The following PNPT1 variants were observed in gnomAD, a reference collection of about 807,000 sequenced individuals.
The protein encoded by PNPT1 is polyribonucleotide nucleotidyltransferase 1, mitochondrial.
A neutral mutation model predicts 119.5 loss-of-function variants in PNPT1; 53 were observed. That is an observed-to-expected ratio of 0.44 (90% CI 0.36 to 0.56). The LOEUF (loss-of-function observed/expected upper bound fraction) is 0.56, where lower values mean the gene tolerates loss of function less well. Ranked by LOEUF, PNPT1 falls within the 20% of genes least tolerant of loss-of-function variation. PNPT1 has a pLI of 0.00. For synonymous variants in PNPT1, 357 were observed against 322.1 expected (o/e 1.11, Z -1.16); for missense variants, 948 against 938.5 (o/e 1.01, Z -0.13).
At chr2:55,675,644 T>C (rs1405941247) in intron 8 of PNPT1, among the ~76,000 whole-genome samples, 1 of 151,972 alleles carries the variant, frequency 6.6e-6, no homozygotes, top group Non-Finnish European at 1.5e-5. Context: ...GCTGTAGTGA[T>C]GTATAATCAC....
chr2:55,642,009 C>T (rs1420214140), intron 25 of PNPT1, among the ~76,000 whole-genome samples: 9 of 151,752 alleles, frequency 5.9e-5, no homozygotes, highest in African/African-American at 2.2e-4. Context: ...GCCTGGCTAA[C>T]TTTTGTATTT....
chr2:55,643,365 G>C lies in PNPT1; in HGVS notation c.1967C>G (p.Ala656Gly). 2 of 1,614,204 alleles carry C rather than the reference G, an allele frequency of 1.2e-6. No individual in the cohort carries two copies. Among genetic ancestry groups the C allele is most frequent in the Non-Finnish European group, 8.5e-7 (1 of 1,180,040 alleles). The stretch of plus-strand genomic sequence containing the variant: ...AATGAAGTCTCTTGCCTCATGCATA[G>C]CACTGGGTGTTGGTGCAAATACAGA... ...TFSVFAPTPS[A>G]MHEARDFITE... is the part of the protein sequence containing the mutation. Residue 656 changes from alanine to glycine, a missense_variant, in exon 24 of 28, where the codon GCT becomes GGT. Physicochemically the swap from Ala to Gly is moderately conservative, Grantham distance 60. Transcript: ENST00000447944.
Position 55,693,728 on chromosome 2 carries a change from C to G in PNPT1, c.96G>C (p.Gln32His). ...TACTCCATAGTGCTCGCACTTGCAA[C>G]TGGGTGAGTGCCCGATCCCGCCGTG... ...LLPRRDRALT[Q>H]LQVRALWSSA... The change falls in exon 1 of 28, where the codon CAG (glutamine) becomes CAC (histidine). Residue 32 changes from glutamine to histidine, a missense_variant. Physicochemically the swap from Gln to His is conservative, Grantham distance 24 (BLOSUM62 0). Coordinates refer to ENST00000447944, the MANE Select transcript of PNPT1 (RefSeq NM_033109.5). 6.2e-7 allele frequency: 1 copy of G among 1,614,228 alleles called. No homozygotes were observed. The highest frequency in any genetic ancestry group is 8.5e-7 in the Non-Finnish European group (1 of 1,180,054).
Position 55,636,397 on chromosome 2 carries a change from G to A in PNPT1, c.2197-5C>T. On this transcript the variant is annotated splice_region_variant and splice_polypyrimidine_tract_variant and intron_variant, in intron 27 of 27. Transcript: ENST00000447944. Reference sequence around the variant, plus strand: ...GTCACGTCCAAAGTATTTCACCTGTGTTAAAGAAACAGATCTTCCTTTAAA... The same window carrying A: ...GTCACGTCCAAAGTATTTCACCTGTATTAAAGAAACAGATCTTCCTTTAAA... 6.2e-7 allele frequency: 1 copy of A among 1,613,202 alleles called. No individual in the cohort carries two copies. Among genetic ancestry groups the A allele is most frequent in the South Asian group, 1.1e-5 (1 of 90,908 alleles).
intron 18 of PNPT1, among the ~76,000 whole-genome samples, chr2:55,650,295 G>A (rs922396885): frequency 2.6e-5 from 4 of 152,150 alleles, no homozygotes; most frequent in African/African-American, 9.7e-5. Flanking sequence ...GGCGCGCGCC[G>A]CCACGCCTGA....
chr2:55,651,730 T>A (rs1302438573), intron 18 of PNPT1, among the ~76,000 whole-genome samples: 1 of 146,150 alleles, frequency 6.8e-6, no homozygotes, highest in Non-Finnish European at 1.5e-5. Flanking sequence ...CCTGTGACCC[T>A]GCCAAATCCC....
chr2:55,685,893 T>C (rs1020565755), intron 3 of PNPT1, among the ~76,000 whole-genome samples: 14 of 152,218 alleles, frequency 9.2e-5, no homozygotes, highest in African/African-American at 3.1e-4. Context: ...TAATACAATG[T>C]AAATTCTACA....
intron 11 of PNPT1, 90 bp downstream of exon 11, chr2:55,671,229 T>A: frequency 3.3e-6 from 2 of 611,638 alleles, no homozygotes; most frequent in Non-Finnish European, 5.3e-6. Flanking sequence ...CTTTCCTCTT[T>A]GACCTTTAAT....
chr2:55,667,474 G>C (rs1221772396), intron 12 of PNPT1, among the ~76,000 whole-genome samples: 1 of 151,918 alleles, frequency 6.6e-6, no homozygotes, highest in East Asian at 1.9e-4. Flanking sequence ...GGCACCTGTA[G>C]TCCCAGCTAC....
At chr2:55,667,804 C>A in intron 12 of PNPT1, 58 bp downstream of exon 12, 2 of 1,526,852 alleles carry the variant, frequency 1.3e-6, no homozygotes, top group South Asian at 2.4e-5. Flanking sequence ...TTTCCATTTT[C>A]AAGGCAACTT....
chr2:55,644,607 A>T (rs370341576), intron 23 of PNPT1, 30 bp downstream of exon 23: 3 of 1,532,052 alleles, frequency 2.0e-6, no homozygotes, highest in African/African-American at 1.4e-5. Flanking sequence ...GCATTTAATT[A>T]AAAAACCCCA....
chr2:55,693,835 C>G lies in PNPT1; in HGVS notation c.-12G>C, dbSNP rs761272095. ...CTGCAGGCCGCCATGACACCCGGCA[C>G]GCGGTCAACGCAGGCTGTGCCCTGA... is the stretch of plus-strand genomic sequence containing the variant. On this transcript the variant is annotated 5_prime_UTR_variant, in exon 1 of 28. Transcript: ENST00000447944. 2 of 1,612,470 alleles carry G rather than the reference C, an allele frequency of 1.2e-6. No individual in the cohort carries two copies. Among genetic ancestry groups the G allele is most frequent in the Admixed American group, 1.7e-5 (1 of 59,996 alleles).
At chr2:55,691,878 A>ATATATATT (rs1326804958) in intron 1 of PNPT1, among the ~76,000 whole-genome samples, 6 of 33,126 alleles carry the variant, frequency 1.8e-4, no homozygotes, top group Admixed American at 9.8e-4. Flanking sequence ...ATATATATAT[A>ATATATATT]TTTTTTTTTT....
rs768887389 is a variant in PNPT1 at position 55,667,866 on chromosome 2, T to G, written c.1069A>C (p.Lys357Gln). 1.9e-5 allele frequency: 31 copies of G among 1,599,958 alleles called. No individual in the cohort carries two copies. The highest frequency in any genetic ancestry group is 2.6e-5 in the Non-Finnish European group (30 of 1,176,146). The change falls in exon 12 of 28, where the codon AAA becomes CAA. Residue 357 changes from lysine (K) to glutamine (Q), a missense_variant. Lys to Gln is a moderately conservative substitution (Grantham distance 53). Coordinates refer to ENST00000447944, the MANE Select transcript of PNPT1 (RefSeq NM_033109.5). ...VFRSIVLNEY[K>Q]RCDGRDLTSL... ...AACAAAAAAGGGTATGTTTACCTTT[T>G]GTATTCATTCAAAACAATACTTCTA...
chr2:55,644,866 A>G (rs1695937181), intron 22 of PNPT1, 146 bp from the exon 23 acceptor site: 1 of 490,152 alleles, frequency 2.0e-6, no homozygotes, highest in Non-Finnish European at 3.6e-6. Context: ...AGATGATTAA[A>G]ATTACTGAAA....
intron 14 of PNPT1, 123 bp downstream of exon 14, chr2:55,661,831 CAG>C (rs1434339205): frequency 3.4e-6 from 3 of 891,068 alleles, no homozygotes; most frequent in African/African-American, 3.6e-5. Flanking sequence ...ATGATGTAAA[CAG>C]AAAAATGAAG....
At chr2:55,636,656 G>A (rs550512739) in intron 27 of PNPT1, among the ~76,000 whole-genome samples, 1 of 152,282 alleles carries the variant, frequency 6.6e-6, no homozygotes, top group Admixed American at 6.5e-5. Flanking sequence ...ACCAGGCCAA[G>A]TCCTTATACT....
At chr2:55,659,641 A>G (rs558440395) in intron 15 of PNPT1, among the ~76,000 whole-genome samples, 25 of 152,068 alleles carry the variant, frequency 1.6e-4, no homozygotes, top group South Asian at 1.2e-3. Flanking sequence ...CTTATCTCTT[A>G]TCTCTCTAAA....
chr2:55,636,372 G>T lies in PNPT1; in HGVS notation c.2217C>A (p.Asp739Glu). 1 of 1,614,008 alleles carries T rather than the reference G, an allele frequency of 6.2e-7. No individual in the cohort carries two copies. The highest frequency in any genetic ancestry group is 1.1e-5 in the South Asian group (1 of 91,054). Reference sequence around the variant, plus strand: ...AAAGCCTCATTCTTCCATCGGCTGGGTCACGTCCAAAGTATTTCACCTGTG... The same window carrying T: ...AAAGCCTCATTCTTCCATCGGCTGGTTCACGTCCAAAGTATTTCACCTGTG... ...QEIQVKYFGR[D>E]PADGRMRLSR... The change falls in exon 28 of 28, where the codon GAC becomes GAA. Residue 739 changes from aspartate to glutamate, a missense_variant. Coordinates refer to ENST00000447944, the MANE Select transcript of PNPT1 (RefSeq NM_033109.5).
Sources: allele counts gnomAD v4.1 joint callset (sites outside exome capture counted in the v4.1 genomes callset), GRCh38; gene constraint gnomAD v4.1.1; transcripts MANE v1.5; gene names NCBI Gene and HGNC (gene_info 2026-07-23, HGNC 2026-07-21).